NTNG2: variants seen among roughly 807,000 people sequenced by gnomAD.
The protein encoded by NTNG2 is netrin-G2.
NTNG2 carries 15 observed loss-of-function variants against 47.6 expected under a neutral mutation model. The ratio of observed to expected loss-of-function variants is 0.32; its 90% confidence interval spans 0.21 to 0.49. The LOEUF (loss-of-function observed/expected upper bound fraction) is 0.49. Ranked by LOEUF, NTNG2 falls within the 20% of genes least tolerant of loss-of-function variation. The probability of loss-of-function intolerance (pLI) is 0.99; values close to 1 mark genes in which losing one functional copy is unlikely to be tolerated. For missense variants in NTNG2, 578 were observed against 764.6 expected, an observed-to-expected ratio of 0.76 and a Z score of 2.88; for synonymous variants, 307 against 324.6, an observed-to-expected ratio of 0.95 and a Z score of 0.58.
rs577987799 is a variant in NTNG2, at chr9:132,218,007, C to T, written c.858-8842C>T. Among the ~76,000 whole-genome samples the T allele has an allele frequency of 4.6e-5, 7 of 152,354 alleles. No individual in the cohort carries two copies. Among genetic ancestry groups the T allele is most frequent in the Non-Finnish European group, 7.3e-5 (5 of 68,042 alleles). On this transcript the variant is annotated intron_variant, in intron 3 of 7. Coordinates refer to ENST00000393229, the MANE Select transcript of NTNG2 (RefSeq NM_032536.4). This position sits in a 1 kb window ranked among gnomAD's most constrained non-coding sequence, Gnocchi z 5.4. ...ATATCGCTCCTCAGGGCCAGTGTCA[C>T]TGGTGTGCGTGGCAGCCTGTGGCAT...
At chr9:132,234,119 C>A (rs901025763) in intron 5 of NTNG2, among the ~76,000 whole-genome samples, 2 of 151,990 alleles carry the variant, frequency 1.3e-5, no homozygotes, top group Non-Finnish European at 2.9e-5. Flanking sequence ...CCTCCGCCCC[C>A]CCAGGTTCAA....
At chr9:132,189,064 C>CTTTTTTTTTTTTTT (rs1179386814) in intron 2 of NTNG2, among the ~76,000 whole-genome samples, 79 of 61,694 alleles carry the variant, frequency 1.3e-3, no homozygotes, top group Non-Finnish European at 2.0e-3. Flanking sequence ...GGCTTTAAGC[C>CTTTTTTTTTTTTTT]TTTCTTTTTT....
chr9:132,214,270 G>A (rs956721604), intron 3 of NTNG2, among the ~76,000 whole-genome samples: 1 of 152,200 alleles, frequency 6.6e-6, no homozygotes, highest in Non-Finnish European at 1.5e-5. Context: ...GAAGGGCCCC[G>A]CTCACGATTT....
At chr9:132,167,340 G>A (rs7036671) in intron 2 of NTNG2, among the ~76,000 whole-genome samples, 4,037 of 152,300 alleles carry the variant, frequency 0.027, 170 homozygotes, top group African/African-American at 0.091. Context: ...ATTCAGCTCC[G>A]CAGCCTTCAG....
At chr9:132,172,964 C>A (rs550804784) in intron 2 of NTNG2, among the ~76,000 whole-genome samples, 1 of 152,110 alleles carries the variant, frequency 6.6e-6, no homozygotes, top group Non-Finnish European at 1.5e-5. Context: ...CTCCTGACCT[C>A]GTGATCCACC....
chr9:132,224,243 C>T lies in NTNG2; in HGVS notation c.858-2606C>T, dbSNP rs1840562693. 2.0e-5 allele frequency among the ~76,000 whole-genome samples: 3 copies of T among 152,256 alleles called. No homozygotes were observed. In the South Asian group the frequency reaches 6.2e-4, roughly 32 times the overall value. The stretch of plus-strand genomic sequence containing the variant: ...TACAGAAAGTTCCCATTTCCCCACC[C>T]CCCTGCACAGTTTCCCCTATTTTGG... On this transcript the variant is annotated intron_variant, in intron 3 of 7. Transcript: ENST00000393229.
rs1347313678 is a variant in NTNG2 at position 132,184,694 on chromosome 9, C to T, written c.214-13272C>T. Among the ~76,000 whole-genome samples the T allele has an allele frequency of 4.6e-5, 7 of 152,120 alleles. No individual in the cohort carries two copies. The East Asian group carries it at 9.6e-4, about 21-fold the overall frequency. ...ATCCCAGCACTTTGGGAGGCCGAGG[C>T]GGGTGGATCACCTGAGGTCAGGAGT... On this transcript the variant is annotated intron_variant, in intron 2 of 7. Transcript: ENST00000393229.
In NTNG2 at chr9:132,243,786, A is replaced by AGG. The variant is rs1365300401; in HGVS notation, c.*1679_*1680dup. On this transcript the variant is annotated 3_prime_UTR_variant, in exon 8 of 8. Coordinates refer to ENST00000393229, the MANE Select transcript of NTNG2 (RefSeq NM_032536.4). ...GCAGGAGATTACAACACAGAAAAGG[A>AGG]GGGGGAGGCACAACGGGACACTGCA... The AGG allele has an allele frequency of 6.6e-6, 1 of 152,342 alleles. No homozygotes were observed. Among genetic ancestry groups the AGG allele is most frequent in the Non-Finnish European group, 1.5e-5 (1 of 68,144 alleles). 9.4% of individuals were successfully genotyped at this position (152,342 alleles called of 1,614,324 possible). A position where few individuals can be genotyped will look rare whatever the true frequency, so the allele number is the denominator to read the frequency against.
intron 5 of NTNG2, chr9:132,234,026 CTTTT>C (rs71376630): frequency 1.2e-4 from 16 of 132,252 alleles, no homozygotes; most frequent in Non-Finnish European, 9.6e-5. Flanking sequence ...GTAGAGCTAT[CTTTT>C]TTTTTTTTTT....
At position 132,239,108 on chromosome 9, in the gene NTNG2, C is replaced by T. The variant is rs746974226; in HGVS notation, c.1059C>T (p.Cys353=). Reference sequence around the variant, plus strand: ...TCTCCCACTTGGCCGGCCCAGACTGCGAATGCTACGGTCACTCCAACCGCT... The same window carrying T: ...TCTCCCACTTGGCCGGCCCAGACTGTGAATGCTACGGTCACTCCAACCGCT... ...ACATAGSFGN[C]ECYGHSNRCS... Residue 353 remains cysteine, a synonymous_variant, in exon 6 of 8, where the codon TGC becomes TGT. Coordinates refer to ENST00000393229, the MANE Select transcript of NTNG2 (RefSeq NM_032536.4). 1.1e-5 allele frequency: 17 copies of T among 1,611,032 alleles called. No individual in the cohort carries two copies. Among genetic ancestry groups the T allele is most frequent in the African/African-American group, 8.0e-5 (6 of 74,896 alleles).
chr9:132,164,304 G>A (rs1189241563), intron 1 of NTNG2, among the ~76,000 whole-genome samples: 1 of 152,106 alleles, frequency 6.6e-6, no homozygotes, highest in East Asian at 1.9e-4. Context: ...CGCCGCGCGC[G>A]CCGCTCGCCC....
intron 3 of NTNG2, among the ~76,000 whole-genome samples, chr9:132,225,264 G>GT (rs1840670501): frequency 4.7e-5 from 7 of 148,622 alleles, no homozygotes; most frequent in African/African-American, 1.7e-4. Flanking sequence ...GTTTGTTTTT[G>GT]TTTTGTTTTG....
At chr9:132,227,107 G>A (rs1003356945) in intron 4 of NTNG2, 86 bp downstream of exon 4, 47 of 1,403,158 alleles carry the variant, frequency 3.3e-5, no homozygotes, top group East Asian at 5.0e-5. Context: ...TCATACACAC[G>A]CACACAAACC....
At chr9:132,194,823 C>T (rs551135412) in intron 2 of NTNG2, among the ~76,000 whole-genome samples, 1 of 152,382 alleles carries the variant, frequency 6.6e-6, no homozygotes, top group South Asian at 2.1e-4. Context: ...AGCCAGGGGA[C>T]CTGTCCTTCA....
At chr9:132,201,169 G>A (rs1589449045) in intron 3 of NTNG2, among the ~76,000 whole-genome samples, 4 of 152,226 alleles carry the variant, frequency 2.6e-5, no homozygotes, top group East Asian at 3.9e-4. Context: ...CTCAGGGCCT[G>A]GTGGTGCCCC....
intron 3 of NTNG2, among the ~76,000 whole-genome samples, chr9:132,220,461 CT>C (rs201197800): frequency 0.14 from 19,501 of 137,210 alleles, 1,159 homozygotes; most frequent in South Asian, 0.23. Flanking sequence ...TTTCCTTCTT[CT>C]TTTTTTTTTT....
At chr9:132,211,467 A>G (rs1335962286) in intron 3 of NTNG2, among the ~76,000 whole-genome samples, 2 of 152,076 alleles carry the variant, frequency 1.3e-5, no homozygotes, top group East Asian at 3.9e-4. Flanking sequence ...TACTGACCTT[A>G]GACTCAAGTC....
chr9:132,183,003 G>C (rs1837065420), intron 2 of NTNG2, among the ~76,000 whole-genome samples: 1 of 152,200 alleles, frequency 6.6e-6, no homozygotes, highest in Admixed American at 6.5e-5. Flanking sequence ...AGCACCGATT[G>C]AAACCTCTCC....
Position 132,226,833 on chromosome 9 carries a change from C to A in NTNG2, c.858-16C>A. ...ACAAGCTCTCTGACATCTCTGCCCT[C>A]TCGGTGTCTCCCCAGGTGCAAGTGC... On this transcript the variant is annotated splice_polypyrimidine_tract_variant and intron_variant, in intron 3 of 7. Coordinates refer to ENST00000393229, the MANE Select transcript of NTNG2 (RefSeq NM_032536.4). This position sits in a 1 kb window ranked among gnomAD's most constrained non-coding sequence, Gnocchi z 4.8. 6.3e-7 allele frequency: 1 copy of A among 1,578,246 alleles called. No homozygotes were observed. The highest frequency in any genetic ancestry group is 1.2e-5 in the South Asian group (1 of 86,882).
Sources: gnomAD v4.1 joint callset for allele counts (sites outside exome capture counted in the v4.1 genomes callset) on GRCh38, gnomAD v4.1.1 for gene constraint, Gnocchi (gnomAD v3.1) non-coding constraint, MANE v1.5 for transcripts, NCBI Gene and HGNC (gene_info 2026-07-23, HGNC 2026-07-21) for gene names.